The following GFI1B variants were observed in gnomAD, a reference collection of about 807,000 sequenced individuals.
The protein encoded by GFI1B is growth factor independent 1B transcriptional repressor.
A neutral mutation model predicts 35.3 loss-of-function variants in GFI1B; 20 were observed. The observed-to-expected ratio is 0.57, with a 90% confidence interval of 0.40 to 0.82. The LOEUF is 0.82. Ranked by LOEUF, GFI1B falls within the 40% of genes least tolerant of loss-of-function variation. The probability of loss-of-function intolerance (pLI) is 0.00; values close to 1 mark genes in which losing one functional copy is unlikely to be tolerated. For synonymous variants in GFI1B, 178 were observed against 177.6 expected, an observed-to-expected ratio of 1.00 and a Z score of -0.02; for missense variants, 430 against 446.3, an observed-to-expected ratio of 0.96 and a Z score of 0.33.
At chr9:132,972,397 G>C (rs990139954) in intron 1 of GFI1B, among the ~76,000 whole-genome samples, 2 of 152,138 alleles carry the variant, frequency 1.3e-5, no homozygotes, top group Non-Finnish European at 2.9e-5. Flanking sequence ...ACTCCAGCCT[G>C]GGCAACAGAG....
At chr9:132,975,989 C>G (rs1232830165), upstream of GFI1B, among the ~76,000 whole-genome samples, 1 of 152,188 alleles carries the variant, frequency 6.6e-6, no homozygotes, top group Non-Finnish European at 1.5e-5. Context: ...GCTCTCCCAT[C>G]AAGGGGAACC....
chr9:132,967,208 A>T (rs558464429), intron 1 of GFI1B, among the ~76,000 whole-genome samples: 3 of 152,258 alleles, frequency 2.0e-5, no homozygotes, highest in Admixed American at 2.0e-4. Context: ...CCCTCACCAG[A>T]TGTGGCCCCT....
rs771980295 is a variant in GFI1B at position 132,988,256 on chromosome 9, C to A, written c.298C>A (p.Pro100Thr). The stretch of plus-strand genomic sequence containing the variant: ...GGACTCTCCACTGTCCGACTCACCC[C>A]CATTCTACAAGCCTAGCTTCTCCTG... ...DGDSPLSDSP[P>T]FYKPSFSWDT... The change falls in exon 4 of 7, where the codon CCA (proline) becomes ACA (threonine). Residue 100 changes from proline to threonine, a missense_variant. Coordinates refer to ENST00000372122, the MANE Select transcript of GFI1B (RefSeq NM_001377304.1). 19 of 1,613,956 alleles carry A rather than the reference C, an allele frequency of 1.2e-5. No individual in the cohort carries two copies. The South Asian group carries it at 1.5e-4, about 13-fold the overall frequency.
In GFI1B at chr9:132,985,970, A is replaced by G. The variant is rs79330563; in HGVS notation, c.-20-689A>G. ...GTCCCTGCCTTTCCTTTTCTGCTCCATTGCAGCCCAGGTCATGCCAATGGG... is the reference window on the plus strand; with the variant it reads ...GTCCCTGCCTTTCCTTTTCTGCTCCGTTGCAGCCCAGGTCATGCCAATGGG... On this transcript the variant is annotated intron_variant, in intron 1 of 6. Transcript: ENST00000372122. Among the ~76,000 whole-genome samples, 1,219 of 152,116 alleles carry G rather than the reference A, an allele frequency of 8.0e-3. 22 individuals are homozygous for G. The highest frequency in any genetic ancestry group is 0.028 in the African/African-American group (1,167 of 41,488).
At chr9:132,946,773 T>C (rs1848114067) in intron 1 of GFI1B, 1 of 152,386 alleles carries the variant, frequency 6.6e-6, no homozygotes, top group Non-Finnish European at 1.5e-5. Flanking sequence ...CTTGGCTCCA[T>C]GACCTCATCC....
At chr9:132,955,145 T>TTAAAGAAC (rs1393698458) in intron 1 of GFI1B, among the ~76,000 whole-genome samples, 1 of 152,246 alleles carries the variant, frequency 6.6e-6, no homozygotes, top group Non-Finnish European at 1.5e-5. Flanking sequence ...TTCCTTCTAC[T>TTAAAGAAC]TAAAGAACTT....
chr9:132,976,710 G>A (rs1452968526), upstream of GFI1B: 1 of 152,120 alleles, frequency 6.6e-6, no homozygotes, highest in Non-Finnish European at 1.5e-5. Flanking sequence ...AGACATTTGA[G>A]AACTTCTAAA....
At chr9:132,982,542 C>T (rs1241429217) in intron 1 of GFI1B, among the ~76,000 whole-genome samples, 3 of 152,176 alleles carry the variant, frequency 2.0e-5, no homozygotes, top group Non-Finnish European at 2.9e-5. Context: ...AGCCTCTTTC[C>T]GGAGGTCCGA....
intron 1 of GFI1B, among the ~76,000 whole-genome samples, chr9:132,968,865 G>A (rs1168543765): frequency 4.6e-5 from 7 of 151,970 alleles, no homozygotes; most frequent in Non-Finnish European, 1.0e-4. Flanking sequence ...CAGTGGCATC[G>A]GCTTAAGTAC....
chr9:132,990,940 A>G lies in GFI1B; in HGVS notation c.883A>G (p.Ser295Gly), dbSNP rs1225851256. 1.2e-6 allele frequency: 2 copies of G among 1,614,068 alleles called. No individual in the cohort carries two copies. The highest frequency in any genetic ancestry group is 2.7e-5 in the African/African-American group (2 of 74,946). ...CCAGAGCTCCAACCTCATCACCCAC[A>G]GCCGCAAGCACACAGGCTTCAAGCC... is the stretch of plus-strand genomic sequence containing the variant. ...FSQSSNLITH[S>G]RKHTGFKPFS... The change falls in exon 7 of 7, where the codon AGC becomes GGC. Residue 295 changes from serine (S) to glycine (G), a missense_variant. Ser to Gly is a moderately conservative substitution (Grantham distance 56, BLOSUM62 0). Transcript: ENST00000372122.
chr9:132,966,598 T>C (rs1410072274), intron 1 of GFI1B, among the ~76,000 whole-genome samples: 1 of 152,160 alleles, frequency 6.6e-6, no homozygotes, highest in Non-Finnish European at 1.5e-5. Context: ...GTGATGTAAT[T>C]GATTATAGCA....
chr9:132,950,731 A>C (rs1166590396), intron 1 of GFI1B, among the ~76,000 whole-genome samples: 1 of 150,586 alleles, frequency 6.6e-6, no homozygotes, highest in African/African-American at 2.5e-5. Context: ...TACACTATAC[A>C]CTTTGGGTTT....
rs11243961 is a variant in GFI1B, at chr9:132,971,984, A to G, written c.-700-741A>G. On this transcript the variant is annotated intron_variant, in intron 1 of 10. Coordinates refer to the GFI1B transcript ENST00000339463. ...GCAAGACTCTGTCTAAAAAAAAAAA[A>G]AAAAATTGGGTTGGGTGTGGTGGCT... Among the ~76,000 whole-genome samples the G allele has an allele frequency of 5.2e-4, 77 of 148,494 alleles. 1 individual carries two copies. Among genetic ancestry groups the G allele is most frequent in the Admixed American group, 3.6e-3 (54 of 14,962 alleles).
intron 1 of GFI1B, among the ~76,000 whole-genome samples, chr9:132,967,121 C>A (rs1848461391): frequency 6.6e-6 from 1 of 152,132 alleles, no homozygotes; most frequent in South Asian, 2.1e-4. Flanking sequence ...GGAAGTTCAG[C>A]CCCCACCTGT....
chr9:132,978,061 C>G (rs924600010), upstream of GFI1B, among the ~76,000 whole-genome samples: 5 of 150,914 alleles, frequency 3.3e-5, no homozygotes, highest in Non-Finnish European at 7.4e-5. Context: ...GGGCATTGCA[C>G]CAGCCTGGCT....
At chr9:132,979,440 T>A (rs1848740898) in intron 1 of GFI1B, among the ~76,000 whole-genome samples, 1 of 152,014 alleles carries the variant, frequency 6.6e-6, no homozygotes, top group Non-Finnish European at 1.5e-5. Flanking sequence ...GGTTTCACCA[T>A]GTTGGCCAGG....
chr9:132,980,155 G>A (rs1284034512), intron 1 of GFI1B, among the ~76,000 whole-genome samples: 7 of 152,134 alleles, frequency 4.6e-5, no homozygotes, highest in East Asian at 1.9e-4. Flanking sequence ...ACCTGGTTTC[G>A]GTTTGATTAA....
intron 1 of GFI1B, among the ~76,000 whole-genome samples, chr9:132,960,559 C>G (rs1049330681): frequency 3.3e-5 from 5 of 151,834 alleles, no homozygotes; most frequent in African/African-American, 1.2e-4. Context: ...TACAGTGGTG[C>G]GATCATAGCT....
At chr9:132,964,683 T>G (rs528175139) in intron 1 of GFI1B, among the ~76,000 whole-genome samples, 8 of 151,946 alleles carry the variant, frequency 5.3e-5, no homozygotes, top group African/African-American at 1.7e-4. Context: ...TCTTGAACTG[T>G]GCTACCCTTG....
Sources: allele counts gnomAD v4.1 joint callset (sites outside exome capture counted in the v4.1 genomes callset), GRCh38; gene constraint gnomAD v4.1.1; transcripts MANE v1.5; gene names NCBI Gene and HGNC (gene_info 2026-07-23, HGNC 2026-07-21).